Variants in ACO1 observed in about 807,000 individuals in gnomAD.
ACO1 encodes the protein aconitase 1.
ACO1 carries 78 observed loss-of-function variants against 105.1 expected under a neutral mutation model. That is an observed-to-expected ratio of 0.74 (90% CI 0.62 to 0.90). The LOEUF (loss-of-function observed/expected upper bound fraction) is 0.90, where lower values mean the gene tolerates loss of function less well. Among genes scored for constraint, ACO1 ranks in the 40% least tolerant of loss-of-function variants. The probability of loss-of-function intolerance (pLI) is 0.00; values close to 1 mark genes in which losing one functional copy is unlikely to be tolerated. For missense variants in ACO1, 965 were observed against 1,111.1 expected (o/e 0.87, Z 1.87); for synonymous variants, 364 against 397.4 (o/e 0.92, Z 1.00).
rs1822436278 is a variant in ACO1 at position 32,439,653 on chromosome 9, T to C, written c.2248-812T>C. Among the ~76,000 whole-genome samples the C allele has an allele frequency of 1.3e-5, 2 of 152,236 alleles. No homozygotes were observed. Among genetic ancestry groups the C allele is most frequent in the African/African-American group, 4.8e-5 (2 of 41,462 alleles). Reference sequence around the variant, plus strand: ...TTTTCTACCTTTTATTGGGCTTCCATTTGCATTTCTAGCATCTCTTCCCTT... The same window carrying C: ...TTTTCTACCTTTTATTGGGCTTCCACTTGCATTTCTAGCATCTCTTCCCTT... On this transcript the variant is annotated intron_variant, in intron 18 of 20. Coordinates refer to ENST00000309951, the MANE Select transcript of ACO1 (RefSeq NM_002197.3). This position sits in a 1 kb window ranked among gnomAD's most constrained non-coding sequence, Gnocchi z 4.0.
chr9:32,407,486 T>C, intron 3 of ACO1, 57 bp downstream of exon 3: 1 of 1,537,058 alleles, frequency 6.5e-7, no homozygotes, highest in Non-Finnish European at 8.8e-7. Context: ...TTCAAGAAAG[T>C]TTTCTTTTAA....
rs61680405 is a variant in ACO1 at position 32,409,480 on chromosome 9, G to A, written c.404+829G>A. On this transcript the variant is annotated intron_variant, in intron 4 of 20. Coordinates refer to ENST00000309951, the MANE Select transcript of ACO1 (RefSeq NM_002197.3). ...GTGGGGAAAAACTAAACAACTCTGA[G>A]GATAGGTTTTTTGTTGCTGTTTTTG... is the stretch of plus-strand genomic sequence containing the variant. 3.7e-3 allele frequency among the ~76,000 whole-genome samples: 567 copies of A among 152,310 alleles called. 6 individuals are homozygous for A. The highest frequency in any genetic ancestry group is 0.013 in the African/African-American group (556 of 41,550).
intron 17 of ACO1, 87 bp from the exon 18 acceptor site, chr9:32,436,163 G>C (rs766264433): frequency 6.4e-7 from 1 of 1,554,354 alleles, no homozygotes. Flanking sequence ...GTTTTGTTTT[G>C]TTTTGTTTTT....
At position 32,452,075 on chromosome 9, in the gene ACO1, A is replaced by C. The variant is rs1043198217; in HGVS notation, c.*1964A>C. 7 of 152,206 alleles carry C rather than the reference A, an allele frequency of 4.6e-5. No individual in the cohort carries two copies. The highest frequency in any genetic ancestry group is 1.7e-4 in the African/African-American group (7 of 41,452). 9.4% of individuals were successfully genotyped at this position (152,206 alleles called of 1,614,324 possible). ...GCAAAGCTCCGTCTCAAAAAAAAAA[A>C]AAAATTACAAACAAACAGAACTCCA... On this transcript the variant is annotated 3_prime_UTR_variant, in exon 21 of 21. Transcript: ENST00000309951.
chr9:32,437,736 AT>A (rs1822392989), intron 18 of ACO1, among the ~76,000 whole-genome samples: 1 of 152,214 alleles, frequency 6.6e-6, no homozygotes, highest in Non-Finnish European at 1.5e-5. Flanking sequence ...AAAAAATTAT[AT>A]ACTTAGAGAA....
intron 17 of ACO1, among the ~76,000 whole-genome samples, chr9:32,435,672 C>T (rs912124851): frequency 1.2e-4 from 18 of 152,122 alleles, no homozygotes; most frequent in African/African-American, 4.3e-4. Flanking sequence ...GGTTTGGGGA[C>T]CAGAAATAGC....
chr9:32,407,190 G>A (rs1587522796), intron 2 of ACO1, 71 bp from the exon 3 acceptor site: 2 of 1,411,398 alleles, frequency 1.4e-6, no homozygotes, highest in East Asian at 4.6e-5. Context: ...ACTTTATATA[G>A]AGATTGGCCT....
chr9:32,418,117 C>A lies in ACO1; in HGVS notation c.405-11C>A, dbSNP rs751429417. The A allele has an allele frequency of 2.5e-6, 4 of 1,612,874 alleles. No homozygotes were observed. The African/African-American group carries it at 5.3e-5, about 22-fold the overall frequency. On this transcript the variant is annotated splice_polypyrimidine_tract_variant and intron_variant, in intron 4 of 20. Transcript: ENST00000309951. ...CTCAAATTGTATACATTTAATTTTTCTCTCTGACAGGGCAGACAGTTTACA... is the reference window on the plus strand; with the variant it reads ...CTCAAATTGTATACATTTAATTTTTATCTCTGACAGGGCAGACAGTTTACA...
intron 1 of ACO1, among the ~76,000 whole-genome samples, chr9:32,400,090 C>A (rs1196378700): frequency 6.7e-6 from 1 of 148,314 alleles, no homozygotes; most frequent in African/African-American, 2.5e-5. Flanking sequence ...CCTTCCTCAG[C>A]CTCCTGAGTA....
chr9:32,388,860 C>T (rs1022902407), intron 1 of ACO1, among the ~76,000 whole-genome samples: 2 of 152,060 alleles, frequency 1.3e-5, no homozygotes, highest in Non-Finnish European at 1.5e-5. Flanking sequence ...ATCCCAACAA[C>T]GTATACTTTC....
At chr9:32,422,816 G>A (rs188784644) in intron 8 of ACO1, among the ~76,000 whole-genome samples, 56 of 152,332 alleles carry the variant, frequency 3.7e-4, no homozygotes, top group Middle Eastern at 3.4e-3. Context: ...TTAAGACTAT[G>A]ATAAAGGATT....
chr9:32,412,148 A>G (rs765376263), intron 4 of ACO1, among the ~76,000 whole-genome samples: 1 of 152,252 alleles, frequency 6.6e-6, no homozygotes, highest in Non-Finnish European at 1.5e-5. Context: ...AAAATGCTTT[A>G]TTAAATTACG....
chr9:32,440,358 T>C, intron 18 of ACO1, 107 bp from the exon 19 acceptor site: 1 of 1,196,500 alleles, frequency 8.4e-7, no homozygotes, highest in Non-Finnish European at 1.2e-6. Flanking sequence ...TTGGACGGAT[T>C]TGGCCATCTG....
intron 19 of ACO1, chr9:32,445,459 T>C (rs896927693): frequency 1.3e-4 from 22 of 165,520 alleles, no homozygotes; most frequent in South Asian, 1.0e-3. Context: ...ACTGGTGATA[T>C]TCCCTTTATC....
rs1390830717 is a variant in ACO1, at chr9:32,424,610, A to T, written c.1133A>T (p.Asp378Val). Residue 378 changes from aspartate to valine, a missense_variant, in exon 10 of 21, where the codon GAC (aspartate) becomes GTC (valine). Asp to Val is a radical substitution (Grantham distance 152). Coordinates refer to ENST00000309951, the MANE Select transcript of ACO1 (RefSeq NM_002197.3). ...TGTAGTGGACCCAAAAGGCCTCAGG[A>T]CAAAGTTGCTGTGTCCGACATGAAA... The part of the protein sequence containing the change: ...PCCSGPKRPQ[D>V]KVAVSDMKKD... 6.2e-7 allele frequency: 1 copy of T among 1,614,108 alleles called. No individual in the cohort carries two copies. Among genetic ancestry groups the T allele is most frequent in the Non-Finnish European group, 8.5e-7 (1 of 1,180,004 alleles).
At chr9:32,410,053 G>C (rs1821702512) in intron 4 of ACO1, among the ~76,000 whole-genome samples, 1 of 152,162 alleles carries the variant, frequency 6.6e-6, no homozygotes, top group African/African-American at 2.4e-5. Flanking sequence ...TCCTGACTCA[G>C]TTTATTTTAA....
intron 1 of ACO1, among the ~76,000 whole-genome samples, chr9:32,385,833 C>T (rs76071156): frequency 0.026 from 3,971 of 152,304 alleles, 166 homozygotes; most frequent in African/African-American, 0.092. Context: ...GTTCTCTGCA[C>T]CACACTTTGA....
rs145004781 is a variant in ACO1, at chr9:32,419,045, T to A, written c.666T>A (p.Gly222=). 6.2e-7 allele frequency: 1 copy of A among 1,601,318 alleles called. No homozygotes were observed. The highest frequency in any genetic ancestry group is 8.5e-7 in the Non-Finnish European group (1 of 1,172,978). ...TCATGCCGTTCATTGCAGGTGTCGGTGGTATTGAAGCAGAAGCTGTCATGC... is the reference window on the plus strand; with the variant it reads ...TCATGCCGTTCATTGCAGGTGTCGGAGGTATTGAAGCAGAAGCTGTCATGC... ...DGLGILGWGV[G]GIEAEAVMLG... is the part of the protein sequence containing the mutation. Residue 222 remains glycine (G), a synonymous_variant, in exon 7 of 21, where the codon GGT becomes GGA. Coordinates refer to ENST00000309951, the MANE Select transcript of ACO1 (RefSeq NM_002197.3).
chr9:32,418,722 G>A (rs1208455304), intron 6 of ACO1, among the ~76,000 whole-genome samples: 3 of 152,066 alleles, frequency 2.0e-5, no homozygotes, highest in Non-Finnish European at 4.4e-5. Flanking sequence ...CAGAAGCAAG[G>A]GGTTAGGTAC....
Sources: gnomAD v4.1 joint callset for allele counts (sites outside exome capture counted in the v4.1 genomes callset) on GRCh38, gnomAD v4.1.1 for gene constraint, Gnocchi (gnomAD v3.1) non-coding constraint, MANE v1.5 for transcripts, NCBI Gene and HGNC (gene_info 2026-07-23, HGNC 2026-07-21) for gene names.